The following ABCD2 variants were observed in gnomAD, a reference collection of about 807,000 sequenced individuals.
ABCD2 encodes the protein ATP binding cassette subfamily D member 2, also known as ATP-binding cassette sub-family D member 2.
In ABCD2, 36 loss-of-function variants were observed where a neutral mutation model predicts 70.9. That is an observed-to-expected ratio of 0.51 (90% CI 0.39 to 0.67). The LOEUF is 0.67. Ranked by LOEUF, ABCD2 falls within the 30% of genes least tolerant of loss-of-function variation. ABCD2 has a pLI of 0.00. For synonymous variants in ABCD2, 304 were observed against 306.9 expected (o/e 0.99, Z 0.10); for missense variants, 729 against 890.2 (o/e 0.82, Z 2.30).
chr12:39,606,365 A>T (rs1941969576), intron 3 of ABCD2, among the ~76,000 whole-genome samples: 1 of 152,210 alleles, frequency 6.6e-6, no homozygotes, highest in Non-Finnish European at 1.5e-5. Flanking sequence ...TCACAGCAGT[A>T]CAAGAATTTT....
At chr12:39,579,493 TACA>T in intron 8 of ABCD2, 39 bp downstream of exon 8, 1 of 1,425,606 alleles carries the variant, frequency 7.0e-7, no homozygotes, top group Non-Finnish European at 9.8e-7. Context: ...TTGGTTTGGT[TACA>T]ACAATGGCCT....
At chr12:39,533,165 C>CAAAAAA in the ABCD2 span, among the ~76,000 whole-genome samples, 3 of 143,790 alleles carry the variant, frequency 2.1e-5, no homozygotes, top group Non-Finnish European at 4.6e-5. Flanking sequence ...GACTCTGTCT[C>CAAAAAA]AAAAAAAAAC....
chr12:39,534,161 AGGTGTGCAGTAGGGT>A, the ABCD2 span, among the ~76,000 whole-genome samples: 1 of 152,170 alleles, frequency 6.6e-6, no homozygotes, highest in Non-Finnish European at 1.5e-5. Flanking sequence ...GTAGGTGGAT[AGGTGTGCAGTAGGGT>A]GGTGGCCCTG....
At position 39,550,827 on chromosome 12, in the gene ABCD2, C is replaced by A. The variant is rs899354384; in HGVS notation, c.*3085G>T. On this transcript the variant is annotated 3_prime_UTR_variant, in exon 10 of 10. Coordinates refer to ENST00000308666, the MANE Select transcript of ABCD2 (RefSeq NM_005164.4). ...TTATGCATATATTAGAAGTGTGTAA[C>A]ATTCTCTGGACTTGGGTTTCAATGT... The A allele has an allele frequency of 6.6e-6, 1 of 151,610 alleles. No homozygotes were observed. Among genetic ancestry groups the A allele is most frequent in the African/African-American group, 2.4e-5 (1 of 41,390 alleles). The allele number at this position is 151,610 out of a possible 1,614,324, so 9.4% of individuals were successfully genotyped here. A position where few individuals can be genotyped will look rare whatever the true frequency, so the allele number is the denominator to read the frequency against.
At chr12:39,563,990 G>C (rs1941301798) in intron 9 of ABCD2, among the ~76,000 whole-genome samples, 1 of 152,154 alleles carries the variant, frequency 6.6e-6, no homozygotes, top group South Asian at 2.1e-4. Flanking sequence ...GTATTCCATG[G>C]TGTATATGTG....
intron 6 of ABCD2, among the ~76,000 whole-genome samples, chr12:39,599,569 T>C (rs1941867898): frequency 6.6e-6 from 1 of 152,208 alleles, no homozygotes; most frequent in African/African-American, 2.4e-5. Context: ...ATGCAGTTCT[T>C]CATTCTCCTA....
chr12:39,549,181 G>A (rs1941055511), downstream of ABCD2, among the ~76,000 whole-genome samples: 1 of 151,878 alleles, frequency 6.6e-6, no homozygotes, highest in Non-Finnish European at 1.5e-5. Flanking sequence ...TGGTTTTGTT[G>A]GAACTTGTAA....
rs1378280223 is a variant in ABCD2 at position 39,553,108 on chromosome 12, C to T, written c.*804G>A. ...GCAGTTCTTAAAATGTAGACTCATC[C>T]TTGGGCAAAAAAACAAGCTGTGTAT... On this transcript the variant is annotated 3_prime_UTR_variant, in exon 10 of 10. Transcript: ENST00000308666. 1 of 151,776 alleles carries T rather than the reference C, an allele frequency of 6.6e-6. No homozygotes were observed. The highest frequency in any genetic ancestry group is 1.5e-5 in the Non-Finnish European group (1 of 67,810). 9.4% of individuals were successfully genotyped at this position (151,776 alleles called of 1,614,324 possible).
At position 39,554,059 on chromosome 12, in the gene ABCD2, G is replaced by T. The variant is rs1226806543; in HGVS notation, c.2076C>A (p.Ile692=). 1 of 1,613,686 alleles carries T rather than the reference G, an allele frequency of 6.2e-7. No individual in the cohort carries two copies. The highest frequency in any genetic ancestry group is 2.2e-5 in the East Asian group (1 of 44,808). The change falls in exon 10 of 10, where the codon ATC becomes ATA. Residue 692 remains isoleucine, a synonymous_variant. Transcript: ENST00000308666. ...GTTTTTCTTCACTCAATGTCAAACG[G>T]ATAGCAGTATCCAATTGTTCAAAGC... ...GWRFEQLDTA[I]RLTLSEEKQK...
At chr12:39,571,323 G>T (rs1416209311) in intron 9 of ABCD2, among the ~76,000 whole-genome samples, 1 of 152,104 alleles carries the variant, frequency 6.6e-6, no homozygotes, top group African/African-American at 2.4e-5. Flanking sequence ...CAACCCTAGT[G>T]TCCATCAATG....
At chr12:39,596,486 T>C (rs1000200710) in intron 6 of ABCD2, among the ~76,000 whole-genome samples, 5 of 152,212 alleles carry the variant, frequency 3.3e-5, no homozygotes, top group East Asian at 1.9e-4. Flanking sequence ...TCCCTTTTTT[T>C]CTTTTTCTTT....
chr12:39,557,916 G>A (rs1166019770), intron 9 of ABCD2, among the ~76,000 whole-genome samples: 1 of 152,238 alleles, frequency 6.6e-6, no homozygotes, highest in Non-Finnish European at 1.5e-5. Flanking sequence ...CTAGGGTAGT[G>A]CAGAAGGAAA....
the ABCD2 span, among the ~76,000 whole-genome samples, chr12:39,540,975 T>A: frequency 6.6e-6 from 1 of 152,240 alleles, no homozygotes; most frequent in Non-Finnish European, 1.5e-5. Flanking sequence ...CATATTTGGC[T>A]CAGAATAAAT....
chr12:39,603,958 A>G lies in ABCD2; in HGVS notation c.1454T>C (p.Ile485Thr), dbSNP rs1186144855. The change falls in exon 5 of 10, where the codon ATA (isoleucine) becomes ACA (threonine). Residue 485 changes from isoleucine (I) to threonine (T), a missense_variant. Ile to Thr is a moderately conservative substitution (Grantham distance 89). Transcript: ENST00000308666. Reference sequence around the variant, plus strand: ...CACCACTTCTCCTGCTGGTGTAATTATGGGAACATTTTCACAAATAATTCC... The same window carrying G: ...CACCACTTCTCCTGCTGGTGTAATTGTGGGAACATTTTCACAAATAATTCC... ...DHGIICENVP[I>T]ITPAGEVVAS... 1 of 1,613,012 alleles carries G rather than the reference A, an allele frequency of 6.2e-7. No homozygotes were observed. Among genetic ancestry groups the G allele is most frequent in the Admixed American group, 1.7e-5 (1 of 59,964 alleles).
the ABCD2 span, chr12:39,539,832 G>T: frequency 6.5e-6 from 1 of 154,794 alleles, no homozygotes. Context: ...CAGCAGCCAG[G>T]CTGTTATAAT....
chr12:39,566,088 C>T (rs1346609167), intron 9 of ABCD2, among the ~76,000 whole-genome samples: 2 of 152,054 alleles, frequency 1.3e-5, no homozygotes, highest in African/African-American at 4.8e-5. Flanking sequence ...GTCTAAAATT[C>T]TCTTTTTTTG....
chr12:39,601,317 T>C (rs1312789578), intron 5 of ABCD2, among the ~76,000 whole-genome samples: 1 of 151,700 alleles, frequency 6.6e-6, no homozygotes, highest in Admixed American at 6.6e-5. Flanking sequence ...AGCAAGAGGA[T>C]TGTATTTTAG....
At chr12:39,536,672 G>C in the ABCD2 span, among the ~76,000 whole-genome samples, 35 of 152,050 alleles carry the variant, frequency 2.3e-4, 1 homozygote, top group Non-Finnish European at 1.5e-5. Context: ...TTTAGGAATC[G>C]TATACAAGAA....
At chr12:39,545,617 G>C (rs571897387), downstream of ABCD2, among the ~76,000 whole-genome samples, 1 of 152,116 alleles carries the variant, frequency 6.6e-6, no homozygotes, top group African/African-American at 2.4e-5. Flanking sequence ...TTTCTAACAG[G>C]CTCTATTATT....
Sources: allele counts gnomAD v4.1 joint callset (sites outside exome capture counted in the v4.1 genomes callset), GRCh38; gene constraint gnomAD v4.1.1; transcripts MANE v1.5; gene names NCBI Gene and HGNC (gene_info 2026-07-23, HGNC 2026-07-21).